CEP63: variants seen among roughly 807,000 people sequenced by gnomAD.
CEP63 encodes the protein centrosomal protein 63.
CEP63 carries 84 observed loss-of-function variants against 89.1 expected under a neutral mutation model. The observed-to-expected ratio is 0.94, with a 90% CI of 0.79 to 1.13. The LOEUF (loss-of-function observed/expected upper bound fraction) is 1.13. CEP63 is among the 50% of genes most tolerant of loss of function. The pLI, the probability that CEP63 is intolerant of heterozygous loss-of-function variation, is 0.00. For missense variants in CEP63, 838 were observed against 813.3 expected, an observed-to-expected ratio of 1.03 and a Z score of -0.37; for synonymous variants, 267 against 272.5, an observed-to-expected ratio of 0.98 and a Z score of 0.20.
the CEP63 span, among the ~76,000 whole-genome samples, chr3:134,665,700 C>CAG: frequency 9.0e-4 from 96 of 106,640 alleles, no homozygotes; most frequent in African/African-American, 2.9e-3. Context: ...CACACACACA[C>CAG]ACAGAGAGAG....
intron 1 of CEP63, 37 bp from the exon 2 acceptor site, chr3:134,495,259 T>C: frequency 7.1e-7 from 1 of 1,405,752 alleles, no homozygotes; most frequent in South Asian, 1.2e-5. Flanking sequence ...ACTGAAGAAA[T>C]GAATTGTCTC....
chr3:134,666,933 G>A, the CEP63 span, among the ~76,000 whole-genome samples: 1 of 152,146 alleles, frequency 6.6e-6, no homozygotes, highest in South Asian at 2.1e-4. Context: ...TAGAATCTGG[G>A]TCTGTTTTAC....
chr3:134,507,245 C>T lies in CEP63; in HGVS notation c.181C>T (p.Leu61Phe). ...TTGCTTGAAAATCCGTGAACAGGAA[C>T]TTAAGAGTCTTAGGAGTCAGTTGGA... ...ETCLKIREQE[L>F]KSLRSQLDVT... The change falls in exon 3 of 15, where the codon CTT becomes TTT. Residue 61 changes from leucine to phenylalanine, a missense_variant. By Grantham distance (22) the Leu-to-Phe change is conservative (BLOSUM62 0). Transcript: ENST00000675561. The T allele has an allele frequency of 1.2e-6, 2 of 1,613,638 alleles. No individual in the cohort carries two copies. Among genetic ancestry groups the T allele is most frequent in the South Asian group, 1.1e-5 (1 of 91,062 alleles).
the CEP63 span, among the ~76,000 whole-genome samples, chr3:134,726,067 G>A: frequency 1.3e-5 from 2 of 152,208 alleles, no homozygotes; most frequent in Non-Finnish European, 2.9e-5. Flanking sequence ...CAGATTCAAA[G>A]GGTAAGTGTA....
chr3:134,753,403 A>G, the CEP63 span, among the ~76,000 whole-genome samples: 1 of 152,174 alleles, frequency 6.6e-6, no homozygotes, highest in Non-Finnish European at 1.5e-5. Context: ...ATGGGCCGAA[A>G]GTGCACAAAT....
At chr3:134,679,264 G>T in the CEP63 span, among the ~76,000 whole-genome samples, 1 of 152,176 alleles carries the variant, frequency 6.6e-6, no homozygotes, top group Non-Finnish European at 1.5e-5. Flanking sequence ...TTATTGAAGA[G>T]AAAACTGAAT....
At chr3:134,751,078 A>G in the CEP63 span, among the ~76,000 whole-genome samples, 1 of 152,254 alleles carries the variant, frequency 6.6e-6, no homozygotes, top group Non-Finnish European at 1.5e-5. Context: ...GGAATCACAC[A>G]ATATGTGACA....
At chr3:134,691,856 A>G in the CEP63 span, among the ~76,000 whole-genome samples, 114 of 152,136 alleles carry the variant, frequency 7.5e-4, 1 homozygote, top group Non-Finnish European at 1.3e-4. Flanking sequence ...AGTACCTGGA[A>G]TTACAGTCAT....
chr3:134,693,702 C>T, the CEP63 span, among the ~76,000 whole-genome samples: 1 of 152,194 alleles, frequency 6.6e-6, no homozygotes, highest in African/African-American at 2.4e-5. Flanking sequence ...GCTTCGGAGG[C>T]TACTGATTTC....
intron 3 of CEP63, among the ~76,000 whole-genome samples, chr3:134,516,389 A>G (rs1946227749): frequency 1.3e-5 from 2 of 152,214 alleles, no homozygotes; most frequent in South Asian, 4.2e-4. Flanking sequence ...TCCATTGTCC[A>G]GGGATGGGCA....
the CEP63 span, among the ~76,000 whole-genome samples, chr3:134,654,212 G>A: frequency 6.6e-6 from 1 of 152,276 alleles, no homozygotes; most frequent in African/African-American, 2.4e-5. Flanking sequence ...TGGTTCTGCT[G>A]TCTTGGAGAT....
At chr3:134,493,090 A>G (rs1318930564) in intron 1 of CEP63, among the ~76,000 whole-genome samples, 1 of 152,212 alleles carries the variant, frequency 6.6e-6, no homozygotes, top group African/African-American at 2.4e-5. Flanking sequence ...CTAAATAAGT[A>G]TAATTTTACT....
intron 6 of CEP63, among the ~76,000 whole-genome samples, chr3:134,538,531 GTGTATATATA>G (rs1319515895): frequency 1.8e-4 from 18 of 99,680 alleles, no homozygotes; most frequent in Non-Finnish European, 2.6e-4. Context: ...TTGTGTGTGT[GTGTATATATA>G]TATATATATA....
Position 134,561,416 on chromosome 3 carries a change from A to G in CEP63, c.1993A>G (p.Arg665Gly). ...ATCTCCCCTTGGTTCAATAGCTACC[A>G]GATTTTTGGAAGAGGAGGAACTGAG... ...PVSPLGSIAT[R>G]FLEEEELRSH... The change falls in exon 15 of 15, where the codon AGA becomes GGA. Residue 665 changes from arginine (R) to glycine (G), a missense_variant. By Grantham distance (125) the Arg-to-Gly change is moderately radical (BLOSUM62 -2). Transcript: ENST00000675561. 1 of 1,614,092 alleles carries G rather than the reference A, an allele frequency of 6.2e-7. No individual in the cohort carries two copies. The highest frequency in any genetic ancestry group is 8.5e-7 in the Non-Finnish European group (1 of 1,179,964).
At chr3:134,733,830 C>G in the CEP63 span, among the ~76,000 whole-genome samples, 3 of 150,602 alleles carry the variant, frequency 2.0e-5, no homozygotes, top group African/African-American at 7.5e-5. Flanking sequence ...CTTGAGGCCA[C>G]CCAGATTGTG....
rs1320310418 is a variant in CEP63 at position 134,561,713 on chromosome 3, T to G, written c.*178T>G. On this transcript the variant is annotated 3_prime_UTR_variant, in exon 15 of 15. Coordinates refer to ENST00000675561, the MANE Select transcript of CEP63 (RefSeq NM_001353108.3). ...TGATAGGCATTTTCTCTGCACTGGT[T>G]TGTTTAAAGGACTTCTTCCAGCAAT... 2.1e-6 allele frequency: 3 copies of G among 1,429,596 alleles called. No individual in the cohort carries two copies. The highest frequency in any genetic ancestry group is 2.6e-4 in the Middle Eastern group (1 of 3,868). 88.6% of individuals were successfully genotyped at this position (1,429,596 alleles called of 1,614,324 possible).
chr3:134,496,766 A>G (rs1176106434), intron 2 of CEP63, among the ~76,000 whole-genome samples: 1 of 152,196 alleles, frequency 6.6e-6, no homozygotes, highest in Non-Finnish European at 1.5e-5. Flanking sequence ...GTGAGATGCA[A>G]TCTCTTTCTA....
At chr3:134,594,175 G>A in the CEP63 span, among the ~76,000 whole-genome samples, 3 of 152,062 alleles carry the variant, frequency 2.0e-5, no homozygotes, top group Admixed American at 6.6e-5. Context: ...CTAAATAAAC[G>A]CTTCCTCATT....
intron 3 of CEP63, among the ~76,000 whole-genome samples, chr3:134,529,443 C>T (rs1417703696): frequency 6.8e-5 from 10 of 146,146 alleles, no homozygotes; most frequent in Admixed American, 1.4e-4. Flanking sequence ...TGGGTTCAAG[C>T]GATTCTTGTG....
Sources: gnomAD v4.1 joint callset for allele counts (sites outside exome capture counted in the v4.1 genomes callset) on GRCh38, gnomAD v4.1.1 for gene constraint, MANE v1.5 for transcripts, NCBI Gene and HGNC (gene_info 2026-07-23, HGNC 2026-07-21) for gene names.